Variants in ZFPM2 observed in about 807,000 individuals in gnomAD.
The protein encoded by ZFPM2 is zinc finger protein ZFPM2.
Under a neutral mutation model 98.6 loss-of-function variants are expected in ZFPM2, and 20 were observed. The ratio of observed to expected loss-of-function variants is 0.20; its 90% CI spans 0.14 to 0.29. The LOEUF is 0.29. Ranked by LOEUF, ZFPM2 falls within the 10% of genes least tolerant of loss-of-function variation. ZFPM2 has a pLI of 1.00. For missense variants in ZFPM2, 1,310 were observed against 1,388.6 expected, an observed-to-expected ratio of 0.94 and a Z score of 0.90; for synonymous variants, 518 against 502.7, an observed-to-expected ratio of 1.03 and a Z score of -0.41.
chr8:105,532,719 C>G (rs1371908596), intron 3 of ZFPM2, among the ~76,000 whole-genome samples: 2 of 152,098 alleles, frequency 1.3e-5, no homozygotes, highest in Admixed American at 6.6e-5. Flanking sequence ...ACATGTAGAT[C>G]TTGTTACTTG....
chr8:105,678,648 A>T (rs1810527186), intron 5 of ZFPM2: 1 of 152,202 alleles, frequency 6.6e-6, no homozygotes, highest in South Asian at 2.1e-4. Flanking sequence ...GCTATATGGT[A>T]ATTTTAACTG....
chr8:105,605,568 A>AACTTCTGTGTTG (rs1816180951), intron 4 of ZFPM2, among the ~76,000 whole-genome samples: 1 of 152,042 alleles, frequency 6.6e-6, no homozygotes, highest in African/African-American at 2.4e-5. Context: ...TTATTTGTAA[A>AACTTCTGTGTTG]TTTCTTGCAA....
intron 5 of ZFPM2, among the ~76,000 whole-genome samples, chr8:105,782,097 A>G (rs1190697350): frequency 6.6e-6 from 1 of 152,222 alleles, no homozygotes; most frequent in Non-Finnish European, 1.5e-5. Context: ...CAGTAAAATG[A>G]GAATCAATAA....
chr8:105,370,839 A>G (rs1182759230), intron 1 of ZFPM2, among the ~76,000 whole-genome samples: 1 of 152,238 alleles, frequency 6.6e-6, no homozygotes, highest in Admixed American at 6.5e-5. Context: ...CTGGTAATGT[A>G]CAGATCTGGG....
intron 5 of ZFPM2, chr8:105,662,534 T>C (rs1277868709): frequency 1.3e-5 from 2 of 152,006 alleles, no homozygotes; most frequent in African/African-American, 4.8e-5. Context: ...TTTCTCCTTC[T>C]TTAGCAGCAT....
chr8:105,333,747 C>T (rs1159654528), intron 1 of ZFPM2, among the ~76,000 whole-genome samples: 1 of 151,156 alleles, frequency 6.6e-6, no homozygotes, highest in Non-Finnish European at 1.5e-5. Flanking sequence ...AAGGGTAAGA[C>T]AGATGTGTTC....
intron 5 of ZFPM2, among the ~76,000 whole-genome samples, chr8:105,666,515 G>A (rs183990011): frequency 5.3e-5 from 8 of 152,256 alleles, no homozygotes. Context: ...AAATCACTTT[G>A]GAGACTGTGT....
At chr8:105,413,571 G>A (rs1270777394) in intron 1 of ZFPM2, among the ~76,000 whole-genome samples, 2 of 149,282 alleles carry the variant, frequency 1.3e-5, no homozygotes, top group Admixed American at 1.3e-4. Context: ...TTCTTCAATT[G>A]TATGATTTGG....
chr8:105,348,934 T>G (rs1812589201), intron 1 of ZFPM2, among the ~76,000 whole-genome samples: 1 of 152,200 alleles, frequency 6.6e-6, no homozygotes, highest in African/African-American at 2.4e-5. Flanking sequence ...GCATAGATAA[T>G]GGAATATTTC....
intron 3 of ZFPM2, among the ~76,000 whole-genome samples, chr8:105,547,313 C>T (rs756357260): frequency 7.3e-5 from 11 of 151,714 alleles, no homozygotes; most frequent in South Asian, 6.2e-4. Context: ...GAGGCCGAGG[C>T]GGGTGGATCA....
chr8:105,710,566 T>C (rs1811360917), intron 5 of ZFPM2, among the ~76,000 whole-genome samples: 1 of 152,118 alleles, frequency 6.6e-6, no homozygotes, highest in East Asian at 1.9e-4. Context: ...AAAGAAATTA[T>C]CTTGGTAATC....
At chr8:105,717,848 G>A (rs1253554515) in intron 5 of ZFPM2, among the ~76,000 whole-genome samples, 1 of 151,684 alleles carries the variant, frequency 6.6e-6, no homozygotes, top group Non-Finnish European at 1.5e-5. Context: ...TGTAAATGTA[G>A]TATCCCCAAA....
chr8:105,455,735 T>C (rs191152096), intron 3 of ZFPM2, among the ~76,000 whole-genome samples: 1 of 152,278 alleles, frequency 6.6e-6, no homozygotes, highest in African/African-American at 2.4e-5. Context: ...GCTTTCTCTA[T>C]GTAGAATATT....
chr8:105,413,090 C>T (rs1586354205), intron 1 of ZFPM2, among the ~76,000 whole-genome samples: 1 of 151,702 alleles, frequency 6.6e-6, no homozygotes, highest in Non-Finnish European at 1.5e-5. Flanking sequence ...ACTAATTGAA[C>T]AAACAGGATA....
chr8:105,426,087 A>T (rs1204677289), intron 2 of ZFPM2, among the ~76,000 whole-genome samples: 1 of 152,110 alleles, frequency 6.6e-6, no homozygotes, highest in Non-Finnish European at 1.5e-5. Context: ...ATGCTTGAGT[A>T]ACTGGAATCA....
At chr8:105,598,454 A>G (rs775727458) in intron 4 of ZFPM2, among the ~76,000 whole-genome samples, 4 of 152,160 alleles carry the variant, frequency 2.6e-5, no homozygotes, top group Non-Finnish European at 5.9e-5. Context: ...GATAATCACC[A>G]TCTCTTAGCT....
chr8:105,443,886 G>A (rs1386325545), intron 2 of ZFPM2, among the ~76,000 whole-genome samples: 1 of 152,032 alleles, frequency 6.6e-6, no homozygotes, highest in East Asian at 1.9e-4. Context: ...CTTATTCTAT[G>A]ATATTTATTT....
intron 5 of ZFPM2, among the ~76,000 whole-genome samples, chr8:105,659,126 T>A (rs1817342628): frequency 6.6e-6 from 1 of 152,186 alleles, no homozygotes; most frequent in Non-Finnish European, 1.5e-5. Context: ...GGTAACTCTT[T>A]ATGTGAATTA....
intron 5 of ZFPM2, among the ~76,000 whole-genome samples, chr8:105,681,069 A>G (rs1810589111): frequency 6.6e-6 from 1 of 152,238 alleles, no homozygotes; most frequent in African/African-American, 2.4e-5. Context: ...TAATTTGCAC[A>G]TGCAAAATAA....
Sources: allele counts gnomAD v4.1 joint callset (sites outside exome capture counted in the v4.1 genomes callset), GRCh38; gene constraint gnomAD v4.1.1; transcripts MANE v1.5; gene names NCBI Gene and HGNC (gene_info 2026-07-23, HGNC 2026-07-21).